Variants in TMEM50B observed in about 807,000 individuals in gnomAD.
TMEM50B encodes HCV p7-trans-regulated protein 3.
Under a neutral mutation model 23.4 loss-of-function variants are expected in TMEM50B, and 14 were observed. The ratio of observed to expected loss-of-function variants is 0.60; its 90% CI spans 0.39 to 0.93. The LOEUF is 0.93. Among genes scored for constraint, TMEM50B ranks in the 40% least tolerant of loss-of-function variants. The probability of loss-of-function intolerance (pLI) is 0.00; values close to 1 mark genes in which losing one functional copy is unlikely to be tolerated. For missense variants in TMEM50B, 159 were observed against 193.0 expected (o/e 0.82, Z 1.04); for synonymous variants, 64 against 62.3 (o/e 1.03, Z -0.13).
chr21:33,436,324 G>A (rs537647966), intron 8 of TMEM50B, among the ~76,000 whole-genome samples: 7 of 150,800 alleles, frequency 4.6e-5, no homozygotes, highest in East Asian at 1.9e-4. Flanking sequence ...GTGAAACTCC[G>A]TCTCAAAAAA....
At chr21:33,462,575 G>C (rs2084226522) in intron 4 of TMEM50B, among the ~76,000 whole-genome samples, 1 of 152,168 alleles carries the variant, frequency 6.6e-6, no homozygotes, top group Admixed American at 6.6e-5. Flanking sequence ...TGGAGGCTGA[G>C]AGGGGAGGAT....
chr21:33,467,999 T>G (rs1202637758), intron 2 of TMEM50B, among the ~76,000 whole-genome samples: 1 of 150,134 alleles, frequency 6.7e-6, no homozygotes, highest in Admixed American at 6.7e-5. Flanking sequence ...TGTAGTATAC[T>G]ACGACCACAT....
At chr21:33,478,432 A>C (rs1048818746) in intron 1 of TMEM50B, among the ~76,000 whole-genome samples, 53 of 152,148 alleles carry the variant, frequency 3.5e-4, no homozygotes, top group African/African-American at 1.2e-3. Context: ...GGGCCACTGT[A>C]CTTGTAGCCT....
intron 4 of TMEM50B, among the ~76,000 whole-genome samples, chr21:33,464,804 CAAAAAAA>C (rs59855166): frequency 1.1e-3 from 115 of 100,892 alleles, no homozygotes; most frequent in African/African-American, 3.1e-3. Flanking sequence ...AACTCCGTCT[CAAAAAAA>C]AAAAAAAAAA....
exon 9 of TMEM50B, chr21:33,432,629 T>G: frequency 6.8e-7 from 1 of 1,472,314 alleles, no homozygotes; most frequent in Non-Finnish European, 9.5e-7. Flanking sequence ...AGGAATGCTC[T>G]TTAAGCAGCA....
At chr21:33,463,586 A>G (rs2084236489) in intron 4 of TMEM50B, among the ~76,000 whole-genome samples, 1 of 151,810 alleles carries the variant, frequency 6.6e-6, no homozygotes, top group Non-Finnish European at 1.5e-5. Flanking sequence ...TACACATTTG[A>G]TCAAGCTCAT....
intron 7 of TMEM50B, among the ~76,000 whole-genome samples, chr21:33,443,367 T>C (rs1339461116): frequency 7.0e-6 from 1 of 142,436 alleles, no homozygotes; most frequent in Non-Finnish European, 1.5e-5. Flanking sequence ...ACTACTAAAA[T>C]AGTGGAGCAC....
downstream of TMEM50B, among the ~76,000 whole-genome samples, chr21:33,445,138 C>G (rs912172119): frequency 6.6e-6 from 1 of 151,218 alleles, no homozygotes; most frequent in South Asian, 2.1e-4. Context: ...CAATTTACAT[C>G]CTTTTTGGAG....
At chr21:33,471,364 G>C (rs554115543) in intron 1 of TMEM50B, among the ~76,000 whole-genome samples, 1 of 151,916 alleles carries the variant, frequency 6.6e-6, no homozygotes, top group Non-Finnish European at 1.5e-5. Flanking sequence ...AAAATCACTA[G>C]ACATGCAAAG....
At chr21:33,444,510 A>C (rs1458715511), downstream of TMEM50B, among the ~76,000 whole-genome samples, 1 of 151,632 alleles carries the variant, frequency 6.6e-6, no homozygotes, top group Non-Finnish European at 1.5e-5. Flanking sequence ...ACACCACTGC[A>C]CTCCAGCCTG....
At chr21:33,478,998 C>G (rs977793938) in intron 1 of TMEM50B, 3 of 341,694 alleles carry the variant, frequency 8.8e-6, no homozygotes, top group South Asian at 6.6e-5. Flanking sequence ...CCGTCCCGTC[C>G]GAGGCCTCCG....
downstream of TMEM50B, chr21:33,449,135 T>C (rs2084093719): frequency 6.6e-6 from 1 of 152,162 alleles, no homozygotes; most frequent in African/African-American, 2.4e-5. Context: ...AACAACAATA[T>C]TAAACTGTAT....
chr21:33,472,102 G>A (rs2084323028), intron 1 of TMEM50B, among the ~76,000 whole-genome samples: 1 of 151,382 alleles, frequency 6.6e-6, no homozygotes, highest in Non-Finnish European at 1.5e-5. Flanking sequence ...AAATTAAATG[G>A]GCCGGGCAGG....
At chr21:33,433,361 C>T (rs566067224) in intron 8 of TMEM50B, among the ~76,000 whole-genome samples, 5 of 152,280 alleles carry the variant, frequency 3.3e-5, no homozygotes, top group South Asian at 2.1e-4. Flanking sequence ...GGAAGCACTC[C>T]GGTGTCGTTG....
At chr21:33,434,244 G>A (rs1341481955) in intron 8 of TMEM50B, among the ~76,000 whole-genome samples, 8 of 152,266 alleles carry the variant, frequency 5.3e-5, no homozygotes, top group South Asian at 2.1e-4. Flanking sequence ...ATTTGCAGCC[G>A]GGCGCAGTGA....
At chr21:33,462,873 G>A (rs111920966) in intron 4 of TMEM50B, among the ~76,000 whole-genome samples, 5 of 152,256 alleles carry the variant, frequency 3.3e-5, no homozygotes, top group South Asian at 2.1e-4. Flanking sequence ...GATCGCATGC[G>A]CATACACACA....
chr21:33,447,668 T>C (rs2084075320), downstream of TMEM50B, among the ~76,000 whole-genome samples: 1 of 139,708 alleles, frequency 7.2e-6, no homozygotes. Flanking sequence ...AGTCAACGTC[T>C]TGTGTATAGA....
downstream of TMEM50B, among the ~76,000 whole-genome samples, chr21:33,445,667 A>T (rs2084047043): frequency 6.6e-6 from 1 of 152,142 alleles, no homozygotes. Context: ...GCGTGGTGGC[A>T]TGTGCCTACA....
intron 7 of TMEM50B, among the ~76,000 whole-genome samples, chr21:33,440,446 G>A (rs143771448): frequency 3.2e-4 from 48 of 151,544 alleles, no homozygotes; most frequent in African/African-American, 9.9e-4. Context: ...AAATTAGCTG[G>A]GCATGGTGGT....
Sources: gnomAD v4.1 joint callset for allele counts (sites outside exome capture counted in the v4.1 genomes callset) on GRCh38, gnomAD v4.1.1 for gene constraint, MANE v1.5 for transcripts, NCBI Gene and HGNC (gene_info 2026-07-23, HGNC 2026-07-21) for gene names.